F2: variants seen among roughly 807,000 people sequenced by gnomAD.
F2 encodes prothrombin.
In F2, 34 loss-of-function variants were observed where a neutral mutation model predicts 81.9. The observed-to-expected ratio is 0.42, with a 90% CI of 0.32 to 0.55. F2 has a LOEUF of 0.55. Among genes scored for constraint, F2 ranks in the 20% least tolerant of loss-of-function variants. The probability of loss-of-function intolerance (pLI) is 0.18; values close to 1 mark genes in which losing one functional copy is unlikely to be tolerated. For missense variants in F2, 630 were observed against 833.4 expected, an observed-to-expected ratio of 0.76 and a Z score of 3.00; for synonymous variants, 296 against 326.4, an observed-to-expected ratio of 0.91 and a Z score of 1.01.
intron 6 of F2, among the ~76,000 whole-genome samples, chr11:46,725,304 G>A (rs534112508): frequency 3.2e-4 from 48 of 151,672 alleles, no homozygotes; most frequent in Non-Finnish European, 5.7e-4. Flanking sequence ...CCTGACCTCC[G>A]GTGATCTGCC....
In F2 at chr11:46,728,182, G is replaced by T; in HGVS notation, c.1298+19G>T. 6.2e-7 allele frequency: 1 copy of T among 1,601,040 alleles called. No homozygotes were observed. Among genetic ancestry groups the T allele is most frequent in the Non-Finnish European group, 8.5e-7 (1 of 1,174,236 alleles). On this transcript the variant is annotated intron_variant, in intron 10 of 13. Transcript: ENST00000311907. This position sits in a 1 kb window ranked among gnomAD's most constrained non-coding sequence, Gnocchi z 5.1. ...GCACCAGGTACAGAACTGGTGGCCC[G>T]TGGGTGTCTGGCAGGGGTCTGAGTC...
At position 46,723,221 on chromosome 11, in the gene F2, G is replaced by A. The variant is rs1250543502; in HGVS notation, c.358G>A (p.Val120Met). ...TCTGGGTACGAACTACCGAGGGCAT[G>A]TGAACATCACCCGGTCAGGCATTGA... ...EGLGTNYRGHVNITRSGIECQ... is the reference protein window; with the variant it reads ...EGLGTNYRGHMNITRSGIECQ... The change falls in exon 5 of 14, where the codon GTG (valine) becomes ATG (methionine). Residue 120 changes from valine (V) to methionine (M), a missense_variant. Transcript: ENST00000311907. The surrounding 1 kb of genome is among the most constrained non-coding windows in gnomAD (Gnocchi z 5.6). The A allele has an allele frequency of 6.2e-7, 1 of 1,614,152 alleles. No homozygotes were observed. The highest frequency in any genetic ancestry group is 8.5e-7 in the Non-Finnish European group (1 of 1,180,034).
chr11:46,733,678 AT>A (rs1330573983), intron 12 of F2, among the ~76,000 whole-genome samples: 2 of 151,846 alleles, frequency 1.3e-5, no homozygotes, highest in Non-Finnish European at 2.9e-5. Context: ...ACAGTTTTAA[AT>A]TTTTACCAAT....
intron 9 of F2, 130 bp from the exon 10 acceptor site, chr11:46,727,866 A>G (rs1438062482): frequency 9.5e-7 from 1 of 1,053,962 alleles, no homozygotes; most frequent in East Asian, 2.6e-5. Flanking sequence ...GGCCAGCCCA[A>G]GCTTGGATCT....
Position 46,728,917 on chromosome 11 carries a change from A to G in F2, c.1472+80A>G. 3.3e-6 allele frequency: 5 copies of G among 1,512,778 alleles called. No homozygotes were observed. The South Asian group carries it at 3.4e-5, about 10-fold the overall frequency. The allele number at this position is 1,512,778 out of a possible 1,614,324, so 93.7% of individuals were successfully genotyped here. On this transcript the variant is annotated intron_variant, in intron 11 of 13. Transcript: ENST00000311907. This position sits in a 1 kb window ranked among gnomAD's most constrained non-coding sequence, Gnocchi z 5.1. The stretch of plus-strand genomic sequence containing the variant: ...CTCTGATACCAAGTAGCCTTGCAAG[A>G]GCCCCTTTCCCTTTTCCAGGCCTCG...
chr11:46,724,791 G>T (rs928784050), intron 6 of F2, among the ~76,000 whole-genome samples: 13 of 150,342 alleles, frequency 8.6e-5, no homozygotes, highest in Non-Finnish European at 1.2e-4. Context: ...TTTCTAAGAT[G>T]GAGTCTCACT....
At chr11:46,739,024 C>G in intron 12 of F2, 24 bp from the exon 13 acceptor site, 1 of 1,613,438 alleles carries the variant, frequency 6.2e-7, no homozygotes, top group Non-Finnish European at 8.5e-7. Flanking sequence ...TGCTCCTGAG[C>G]ACAGACGGCT....
At chr11:46,735,003 C>A (rs2064935662) in intron 12 of F2, among the ~76,000 whole-genome samples, 1 of 152,128 alleles carries the variant, frequency 6.6e-6, no homozygotes. Flanking sequence ...GGCTAACTAG[C>A]TGTCTCTAAA....
intron 12 of F2, among the ~76,000 whole-genome samples, chr11:46,730,251 G>A (rs1444161352): frequency 6.6e-6 from 1 of 152,116 alleles, no homozygotes; most frequent in East Asian, 1.9e-4. Context: ...AGTGAGCTGA[G>A]ATCGGGCATC....
chr11:46,731,305 G>T (rs1418257025), intron 12 of F2, among the ~76,000 whole-genome samples: 6 of 150,072 alleles, frequency 4.0e-5, no homozygotes, highest in African/African-American at 1.5e-4. Context: ...GGCTTACTTG[G>T]AATTACAGGT....
chr11:46,727,320 C>A (rs1348483587), intron 9 of F2, among the ~76,000 whole-genome samples: 2 of 152,194 alleles, frequency 1.3e-5, no homozygotes, highest in African/African-American at 4.8e-5. Flanking sequence ...CCACACCCGG[C>A]CCATGGGTCC....
intron 12 of F2, among the ~76,000 whole-genome samples, chr11:46,730,768 G>A (rs2064905848): frequency 2.1e-5 from 3 of 145,000 alleles, no homozygotes; most frequent in Non-Finnish European, 4.7e-5. Context: ...CCTCCATTCT[G>A]TGGATGTGTG....
rs752835821 is a variant in F2 at position 46,720,790 on chromosome 11, C to T, written c.266C>T (p.Ala89Val). 1 of 1,614,146 alleles carries T rather than the reference C, an allele frequency of 6.2e-7. No homozygotes were observed. The highest frequency in any genetic ancestry group is 1.1e-5 in the South Asian group (1 of 91,090). The change falls in exon 4 of 14, where the codon GCT becomes GTT. Residue 89 changes from alanine (A) to valine (V), a missense_variant and splice_region_variant. By Grantham distance (64) the Ala-to-Val change is moderately conservative (BLOSUM62 0). Transcript: ENST00000311907. The part of the protein sequence containing the change: ...ATDVFWAKYT[A>V]CETARTPRDK... Reference sequence around the variant, plus strand: ...AGGTAAACACCTGGGTCTTTTCCAGCTTGTGAGACAGCGAGGACGCCTCGA... The same window carrying T: ...AGGTAAACACCTGGGTCTTTTCCAGTTTGTGAGACAGCGAGGACGCCTCGA...
At position 46,723,437 on chromosome 11, in the gene F2, C is replaced by A. The variant is rs1186254592; in HGVS notation, c.478C>A (p.Pro160Thr). The A allele has an allele frequency of 6.2e-7, 1 of 1,614,100 alleles. No homozygotes were observed. Among genetic ancestry groups the A allele is most frequent in the Non-Finnish European group, 8.5e-7 (1 of 1,180,002 alleles). Reference sequence around the variant, plus strand: ...CCTACAGGAGAATTTCTGCCGCAACCCCGACAGCAGCACCACGGGACCCTG... The same window carrying A: ...CCTACAGGAGAATTTCTGCCGCAACACCGACAGCAGCACCACGGGACCCTG... ...ADLQENFCRNPDSSTTGPWCY... is the reference protein window; with the variant it reads ...ADLQENFCRNTDSSTTGPWCY... The change falls in exon 6 of 14, where the codon CCC (proline) becomes ACC (threonine). Residue 160 changes from proline to threonine, a missense_variant. Pro to Thr is a conservative substitution (Grantham distance 38). Transcript: ENST00000311907. This position sits in a 1 kb window ranked among gnomAD's most constrained non-coding sequence, Gnocchi z 5.6.
Position 46,725,853 on chromosome 11 carries a change from C to T in F2, c.560-6C>T, listed in dbSNP as rs1204227437. 6.2e-7 allele frequency: 1 copy of T among 1,612,078 alleles called. No homozygotes were observed. Among genetic ancestry groups the T allele is most frequent in the Non-Finnish European group, 8.5e-7 (1 of 1,179,602 alleles). ...CTCTGCTGCCTCCTTGCCCCTCACC[C>T]ACCAGGCCAGGATCAAGTCACTGTA... On this transcript the variant is annotated splice_region_variant and splice_polypyrimidine_tract_variant and intron_variant, in intron 6 of 13. Coordinates refer to ENST00000311907, the MANE Select transcript of F2 (RefSeq NM_000506.5).
chr11:46,722,963 C>T (rs917334929), intron 4 of F2, among the ~76,000 whole-genome samples: 2 of 152,184 alleles, frequency 1.3e-5, no homozygotes, highest in South Asian at 2.1e-4. Context: ...ACTGAGCACC[C>T]GACAGTGCCT....
At chr11:46,727,307 C>T (rs2064880813) in intron 9 of F2, among the ~76,000 whole-genome samples, 1 of 152,170 alleles carries the variant, frequency 6.6e-6, no homozygotes, top group Admixed American at 6.5e-5. Flanking sequence ...CAGGCATGAG[C>T]CACCACACCC....
Position 46,726,180 on chromosome 11 carries a change from TGCCTGGGTAGGGG to T in F2, c.874+13_874+25del, listed in dbSNP as rs1565703706. ...TGCGACCTCAACTATTGTGGTGAGC[TGCCTGGGTAGGGG>T]GCCTGAGTTGCAGGGACAAATCCTG... On this transcript the variant is annotated splice_region_variant and intron_variant, in intron 7 of 13. Transcript: ENST00000311907. This position sits in a 1 kb window ranked among gnomAD's most constrained non-coding sequence, Gnocchi z 5.9. 2.5e-6 allele frequency: 4 copies of T among 1,612,762 alleles called. No individual in the cohort carries two copies. The South Asian group carries it at 3.3e-5, about 13-fold the overall frequency.
chr11:46,725,087 T>TTTTTG (rs2064863449), intron 6 of F2, among the ~76,000 whole-genome samples: 1 of 127,930 alleles, frequency 7.8e-6, no homozygotes, highest in Admixed American at 8.3e-5. Flanking sequence ...TTTTTTTTTT[T>TTTTTG]GAGATGGAGT....
Sources: gnomAD v4.1 joint callset for allele counts (sites outside exome capture counted in the v4.1 genomes callset) on GRCh38, gnomAD v4.1.1 for gene constraint, Gnocchi (gnomAD v3.1) non-coding constraint, MANE v1.5 for transcripts, NCBI Gene and HGNC (gene_info 2026-07-23, HGNC 2026-07-21) for gene names.